NRG4: variants seen among roughly 807,000 people sequenced by gnomAD.
NRG4 encodes the protein pro-neuregulin-4, membrane-bound isoform.
NRG4 carries 10 observed loss-of-function variants against 15.0 expected under a neutral mutation model. The ratio of observed to expected loss-of-function variants is 0.67; its 90% CI spans 0.41 to 1.13. The LOEUF (loss-of-function observed/expected upper bound fraction) is 1.13, where lower values mean the gene tolerates loss of function less well. NRG4 is among the 50% of genes most tolerant of loss of function. The probability of loss-of-function intolerance (pLI) is 0.00; values close to 1 mark genes in which losing one functional copy is unlikely to be tolerated. For missense variants in NRG4, 139 were observed against 140.2 expected (o/e 0.99, Z 0.04); for synonymous variants, 41 against 50.1 (o/e 0.82, Z 0.77).
intron 3 of NRG4, among the ~76,000 whole-genome samples, chr15:75,986,632 A>G (rs762494312): frequency 6.6e-6 from 1 of 152,230 alleles, no homozygotes; most frequent in Non-Finnish European, 1.5e-5. Context: ...GTGGGTGGAA[A>G]TAACAATTTT....
At chr15:75,972,394 T>G (rs549106307) in intron 3 of NRG4, among the ~76,000 whole-genome samples, 1 of 152,366 alleles carries the variant, frequency 6.6e-6, no homozygotes, top group East Asian at 1.9e-4. Context: ...TTTGTCAATT[T>G]TGGCTTTTGT....
intron 3 of NRG4, among the ~76,000 whole-genome samples, chr15:75,988,852 CCT>C (rs2033898626): frequency 7.4e-6 from 1 of 134,286 alleles, no homozygotes; most frequent in East Asian, 2.0e-4. Context: ...CCTGCACCTT[CCT>C]TTTTTTTTTT....
At chr15:75,938,532 T>C (rs2030603535), downstream of NRG4, 1 of 151,982 alleles carries the variant, frequency 6.6e-6, no homozygotes, top group East Asian at 1.9e-4. Flanking sequence ...GAACAAAGAA[T>C]TAAAGAAATC....
chr15:75,937,231 CG>C (rs760335477), downstream of NRG4: 2 of 151,228 alleles, frequency 1.3e-5, no homozygotes, highest in Non-Finnish European at 3.0e-5. Flanking sequence ...AAAAAGAGGC[CG>C]GGCGTGGTGG....
chr15:75,944,974 T>C (rs2031393640), intron 5 of NRG4, among the ~76,000 whole-genome samples: 1 of 152,066 alleles, frequency 6.6e-6, no homozygotes, highest in Admixed American at 6.5e-5. Context: ...TTAACAAGTA[T>C]GTCTTTATAA....
intron 5 of NRG4, among the ~76,000 whole-genome samples, chr15:76,018,961 G>A (rs1260217834): frequency 3.3e-5 from 5 of 152,084 alleles, no homozygotes; most frequent in Non-Finnish European, 2.9e-5. Context: ...CTGTTCCAGG[G>A]AGATGGGGGT....
intron 3 of NRG4, among the ~76,000 whole-genome samples, chr15:75,984,751 T>A (rs8027685): frequency 6.6e-6 from 1 of 152,060 alleles, no homozygotes; most frequent in African/African-American, 2.4e-5. Flanking sequence ...CAAACCTGCA[T>A]GTTCTGTACA....
chr15:76,058,798 G>A (rs1302251640), intron 1 of NRG4, among the ~76,000 whole-genome samples: 1 of 152,198 alleles, frequency 6.6e-6, no homozygotes. Context: ...GCAAGAATTG[G>A]TGGAGAAGAC....
intron 5 of NRG4, among the ~76,000 whole-genome samples, chr15:75,948,806 T>G (rs547515614): frequency 1.3e-5 from 2 of 152,308 alleles, no homozygotes; most frequent in South Asian, 4.1e-4. Flanking sequence ...TCCCAGCACT[T>G]TGGGAGCCCA....
chr15:75,982,732 T>C (rs2033652296), intron 3 of NRG4, among the ~76,000 whole-genome samples: 1 of 152,152 alleles, frequency 6.6e-6, no homozygotes, highest in Non-Finnish European at 1.5e-5. Context: ...AAGAACTCTT[T>C]CTGATCTGAG....
intron 2 of NRG4, among the ~76,000 whole-genome samples, chr15:76,053,792 G>C (rs1430423425): frequency 6.6e-6 from 1 of 150,930 alleles, no homozygotes; most frequent in East Asian, 1.9e-4. Flanking sequence ...CTGACCTCAA[G>C]TGATCTGGGA....
Position 75,980,085 on chromosome 15 carries a change from C to G in NRG4, c.105-18111G>C, listed in dbSNP as rs540939786. ...TTTTTACTATTTTTCACCTGATAAG[C>G]TTTTAGCATGTTCAAAATACATATA... On this transcript the variant is annotated intron_variant, in intron 3 of 5. Transcript: ENST00000394907. 6.6e-5 allele frequency among the ~76,000 whole-genome samples: 10 copies of G among 152,194 alleles called. No individual in the cohort carries two copies. The South Asian group carries it at 2.1e-3, about 32-fold the overall frequency.
chr15:75,962,622 T>G (rs1336740055), intron 3 of NRG4, among the ~76,000 whole-genome samples: 1 of 152,190 alleles, frequency 6.6e-6, no homozygotes, highest in Non-Finnish European at 1.5e-5. Context: ...CAACCAAATA[T>G]TTTATAGCCA....
intron 2 of NRG4, 71 bp from the exon 3 acceptor site, chr15:76,009,364 T>A: frequency 1.5e-6 from 1 of 668,942 alleles, no homozygotes; most frequent in South Asian, 2.4e-5. Context: ...GGAATAGGAA[T>A]AACTATCTTA....
At chr15:76,036,470 A>G (rs960124220) in intron 4 of NRG4, among the ~76,000 whole-genome samples, 1 of 152,248 alleles carries the variant, frequency 6.6e-6, no homozygotes, top group African/African-American at 2.4e-5. Context: ...TAGTGTAGCT[A>G]TACAGTATAC....
intron 2 of NRG4, among the ~76,000 whole-genome samples, chr15:76,009,706 A>G (rs2034738113): frequency 6.6e-6 from 1 of 152,168 alleles, no homozygotes; most frequent in Non-Finnish European, 1.5e-5. Flanking sequence ...TCTCAAATAC[A>G]TTAATATCTG....
chr15:75,964,657 G>A (rs1228455475), intron 3 of NRG4, among the ~76,000 whole-genome samples: 1 of 152,210 alleles, frequency 6.6e-6, no homozygotes, highest in Non-Finnish European at 1.5e-5. Context: ...CGGGCACAGT[G>A]GCTCATGCCT....
At chr15:76,035,905 G>C (rs918950408) in intron 5 of NRG4, 1 of 152,086 alleles carries the variant, frequency 6.6e-6, no homozygotes, top group South Asian at 2.1e-4. Flanking sequence ...GATAAACGTT[G>C]TGAAAAAACA....
intron 5 of NRG4, among the ~76,000 whole-genome samples, chr15:75,943,971 C>T (rs533739939): frequency 6.6e-6 from 1 of 152,140 alleles, no homozygotes; most frequent in South Asian, 2.1e-4. Flanking sequence ...GCCTGGTGAC[C>T]TGTCTTAGAT....
Sources: gnomAD v4.1 joint callset for allele counts (sites outside exome capture counted in the v4.1 genomes callset) on GRCh38, gnomAD v4.1.1 for gene constraint, MANE v1.5 for transcripts, NCBI Gene and HGNC (gene_info 2026-07-23, HGNC 2026-07-21) for gene names.